RYR2: variants seen among roughly 807,000 people sequenced by gnomAD.
RYR2 encodes the protein cardiac muscle ryanodine receptor-calcium release channel.
Under a neutral mutation model 601.1 loss-of-function variants are expected in RYR2, and 227 were observed. That is an observed-to-expected ratio of 0.38 (90% CI 0.34 to 0.42). The LOEUF (loss-of-function observed/expected upper bound fraction) is 0.42. RYR2 is among the 10% of genes least tolerant of loss of function. The pLI, the probability that RYR2 is intolerant of heterozygous loss-of-function variation, is 1.00. For missense variants in RYR2, 4,646 were observed against 6,156.5 expected (o/e 0.75, Z 8.21); for synonymous variants, 2,223 against 2,175.1 (o/e 1.02, Z -0.61).
At chr1:237,665,650 T>C (rs1282781074) in intron 56 of RYR2, among the ~76,000 whole-genome samples, 2 of 152,138 alleles carry the variant, frequency 1.3e-5, no homozygotes, top group Non-Finnish European at 2.9e-5. Flanking sequence ...GTCCTCATGG[T>C]GAAAGGCACA....
At chr1:237,350,156 A>G (rs1348547543) in intron 3 of RYR2, among the ~76,000 whole-genome samples, 3 of 152,164 alleles carry the variant, frequency 2.0e-5, no homozygotes, top group African/African-American at 4.8e-5. Context: ...TATTAACTGC[A>G]ATTGTATGCT....
At chr1:237,461,642 T>G (rs12040937) in intron 16 of RYR2, among the ~76,000 whole-genome samples, 5 of 151,698 alleles carry the variant, frequency 3.3e-5, no homozygotes, top group African/African-American at 4.8e-5. Context: ...ATTACTTTTA[T>G]AATTGAAAAA....
Position 237,080,035 on chromosome 1 carries a change from TCCCTA to T in RYR2, c.48+37467_48+37471del, listed in dbSNP as rs1292899672. Among the ~76,000 whole-genome samples, 628 of 81,498 alleles carry T rather than the reference TCCCTA, an allele frequency of 7.7e-3. 2 individuals are homozygous for T. Among genetic ancestry groups the T allele is most frequent in the African/African-American group, 0.035 (587 of 16,790 alleles). 53.5% of individuals were successfully genotyped at this position (81,498 alleles called of 152,430 possible). On this transcript the variant is annotated intron_variant, in intron 1 of 104. Coordinates refer to ENST00000366574, the MANE Select transcript of RYR2 (RefSeq NM_001035.3). ...GAAAAACAAGCAATGGGGAAAGGAT[TCCCTA>T]TTTAATAAATGGTGCTGGGAAAACT...
intron 4 of RYR2, 35 bp downstream of exon 4, chr1:237,356,020 A>G: frequency 6.3e-7 from 1 of 1,590,438 alleles, no homozygotes; most frequent in Non-Finnish European, 8.6e-7. Flanking sequence ...AGAAATTGTG[A>G]TCTAAAAGTG....
chr1:237,375,296 A>C (rs536588159), intron 7 of RYR2, among the ~76,000 whole-genome samples: 8 of 152,316 alleles, frequency 5.3e-5, no homozygotes, highest in African/African-American at 1.9e-4. Context: ...ATATATTAAC[A>C]CTTTTTTTTG....
At position 237,456,575 on chromosome 1, in the gene RYR2, AT is replaced by A. The variant is rs397516518; in HGVS notation, c.1477-11del. The A allele has an allele frequency of 0.23, 307,507 of 1,337,112 alleles. 8,334 individuals are homozygous for A. Among genetic ancestry groups the A allele is most frequent in the African/African-American group, 0.3 (20,204 of 66,384 alleles). 82.8% of individuals were successfully genotyped at this position (1,337,112 alleles called of 1,614,324 possible). ...TGACAGTTTTGGATGTCTGATTGTG[AT>A]TTTTTTTTTTTTTAACGTTCCAGGG... On this transcript the variant is annotated intron_variant, in intron 15 of 104. Coordinates refer to ENST00000366574, the MANE Select transcript of RYR2 (RefSeq NM_001035.3).
chr1:237,635,021 G>A (rs769383156), intron 44 of RYR2, 29 bp downstream of exon 44: 1 of 1,412,348 alleles, frequency 7.1e-7, no homozygotes, highest in Non-Finnish European at 9.5e-7. Flanking sequence ...CTGTGTGTTT[G>A]TCTGAATTAT....
intron 10 of RYR2, among the ~76,000 whole-genome samples, chr1:237,407,802 G>C (rs1369813922): frequency 6.6e-6 from 1 of 151,872 alleles, no homozygotes; most frequent in East Asian, 1.9e-4. Context: ...GTTTTTAGTA[G>C]AGATGGGGTT....
chr1:237,208,103 C>T (rs1371302414), intron 1 of RYR2, among the ~76,000 whole-genome samples: 2 of 152,188 alleles, frequency 1.3e-5, no homozygotes, highest in Non-Finnish European at 2.9e-5. Flanking sequence ...GGCACGTTTG[C>T]TCTGTTGCAG....
intron 5 of RYR2, among the ~76,000 whole-genome samples, chr1:237,368,331 G>A (rs1700364634): frequency 6.6e-6 from 1 of 152,080 alleles, no homozygotes; most frequent in African/African-American, 2.4e-5. Flanking sequence ...AAAAACTACT[G>A]GAGGCTTTCC....
intron 24 of RYR2, among the ~76,000 whole-genome samples, chr1:237,512,936 G>A (rs1456716773): frequency 1.3e-5 from 2 of 152,112 alleles, no homozygotes; most frequent in South Asian, 2.1e-4. Flanking sequence ...CCAGGCTGGC[G>A]AGCAACGGCA....
At chr1:237,279,503 A>C (rs549079232) in intron 2 of RYR2, among the ~76,000 whole-genome samples, 2 of 152,202 alleles carry the variant, frequency 1.3e-5, no homozygotes, top group Non-Finnish European at 2.9e-5. Flanking sequence ...AAATCAATTA[A>C]TTAAATCTCA....
intron 80 of RYR2, among the ~76,000 whole-genome samples, chr1:237,748,293 C>G (rs1295911914): frequency 1.3e-5 from 2 of 151,338 alleles, no homozygotes; most frequent in Non-Finnish European, 3.0e-5. Context: ...CAGAACAGAA[C>G]AGTGCCTCCC....
intron 16 of RYR2, among the ~76,000 whole-genome samples, chr1:237,466,572 T>G (rs997804229): frequency 6.6e-6 from 1 of 152,066 alleles, no homozygotes; most frequent in African/African-American, 2.4e-5. Flanking sequence ...GTATTCTTGA[T>G]CAATCTTACT....
chr1:237,163,355 A>ACCCCCCCCCC (rs67343728), intron 1 of RYR2, among the ~76,000 whole-genome samples: 33 of 90,266 alleles, frequency 3.7e-4, no homozygotes, highest in South Asian at 8.6e-4. Context: ...CCAACCCCCT[A>ACCCCCCCCCC]CCCCCCCCAC....
At chr1:237,144,114 G>T (rs1180359176) in intron 1 of RYR2, among the ~76,000 whole-genome samples, 1 of 151,760 alleles carries the variant, frequency 6.6e-6, no homozygotes, top group African/African-American at 2.4e-5. Flanking sequence ...GGGTGACAAA[G>T]TGAGACTCTG....
intron 1 of RYR2, among the ~76,000 whole-genome samples, chr1:237,103,011 A>G (rs6701985): frequency 0.95 from 144,248 of 152,260 alleles, 68,816 homozygotes; most frequent in East Asian, 1. Flanking sequence ...CTTATGAAAC[A>G]GAAACTCCAC....
Position 237,503,374 on chromosome 1 carries a change from C to G in RYR2, c.2482C>G (p.Pro828Ala). 1 of 1,613,844 alleles carries G rather than the reference C, an allele frequency of 6.2e-7. No homozygotes were observed. Among genetic ancestry groups the G allele is most frequent in the East Asian group, 2.2e-5 (1 of 44,862 alleles). Reference protein sequence around the residue: ...GYAPCYEAVLPKEKLKVEHSR... With the variant: ...GYAPCYEAVLAKEKLKVEHSR... ...TGCTCCTTGTTATGAAGCTGTTCTGCCAAAAGAAAAGTTGAAAGTGGAACA... is the reference window on the plus strand; with the variant it reads ...TGCTCCTTGTTATGAAGCTGTTCTGGCAAAAGAAAAGTTGAAAGTGGAACA... The change falls in exon 22 of 105, where the codon CCA becomes GCA. Residue 828 changes from proline to alanine, a missense_variant. Coordinates refer to ENST00000366574, the MANE Select transcript of RYR2 (RefSeq NM_001035.3).
chr1:237,054,272 CCT>C (rs1661677942), intron 1 of RYR2, among the ~76,000 whole-genome samples: 1 of 146,558 alleles, frequency 6.8e-6, no homozygotes, highest in African/African-American at 2.5e-5. Context: ...CCCTTCCTTC[CCT>C]TTTCCTCCCT....
Sources: allele counts gnomAD v4.1 joint callset (sites outside exome capture counted in the v4.1 genomes callset), GRCh38; gene constraint gnomAD v4.1.1; transcripts MANE v1.5; gene names NCBI Gene and HGNC (gene_info 2026-07-23, HGNC 2026-07-21).